The following BICD1 variants were observed in gnomAD, a reference collection of about 807,000 sequenced individuals.
BICD1 encodes protein bicaudal D homolog 1.
A neutral mutation model predicts 92.5 loss-of-function variants in BICD1; 35 were observed. That is an observed-to-expected ratio of 0.38 (90% CI 0.29 to 0.50). The LOEUF (loss-of-function observed/expected upper bound fraction) is 0.50, where lower values mean the gene tolerates loss of function less well. Among genes scored for constraint, BICD1 ranks in the 20% least tolerant of loss-of-function variants. BICD1 has a pLI of 0.93. For missense variants in BICD1, 950 were observed against 1,189.8 expected, an observed-to-expected ratio of 0.80 and a Z score of 2.97; for synonymous variants, 429 against 465.1, an observed-to-expected ratio of 0.92 and a Z score of 1.00.
intron 2 of BICD1, among the ~76,000 whole-genome samples, chr12:32,282,202 CTTTTTTTTTTTTTTTT>C (rs56217529): frequency 2.7e-4 from 25 of 94,256 alleles, no homozygotes; most frequent in South Asian, 1.9e-3. Context: ...AGGTCTTCTT[CTTTTTTTTTTTTTTTT>C]TTTTTTTTTT....
In BICD1 at chr12:32,313,236, T is replaced by C. The variant is rs9669588; in HGVS notation, c.1005+7114T>C. 0.033 allele frequency among the ~76,000 whole-genome samples: 4,973 copies of C among 152,268 alleles called. 286 individuals are homozygous for C. Among genetic ancestry groups the C allele is most frequent in the African/African-American group, 0.11 (4,623 of 41,532 alleles). On this transcript the variant is annotated intron_variant, in intron 4 of 9. Transcript: ENST00000652176. The surrounding 1 kb of genome is among the most constrained non-coding windows in gnomAD (Gnocchi z 4.2). ...CATCCTCATGGATGTGGAAGAAATA[T>C]ATTCATATTATGTTTTGATCCACTC... is the stretch of plus-strand genomic sequence containing the variant.
intron 1 of BICD1, among the ~76,000 whole-genome samples, chr12:32,179,728 T>C (rs1944216502): frequency 6.6e-6 from 1 of 151,904 alleles, no homozygotes; most frequent in African/African-American, 2.4e-5. Context: ...CAATGGCTCA[T>C]GCCTGTTATC....
chr12:32,135,339 C>T (rs1223666540), intron 1 of BICD1, among the ~76,000 whole-genome samples: 10 of 148,570 alleles, frequency 6.7e-5, no homozygotes, highest in South Asian at 2.2e-4. Flanking sequence ...CCGCCTGCCT[C>T]GGCCTCCCAA....
chr12:32,226,935 G>T (rs985477055), intron 2 of BICD1, among the ~76,000 whole-genome samples: 8 of 152,216 alleles, frequency 5.3e-5, no homozygotes, highest in Non-Finnish European at 1.2e-4. Flanking sequence ...ACAGTTTCTG[G>T]ATGTTGGCCT....
intron 2 of BICD1, among the ~76,000 whole-genome samples, chr12:32,278,762 A>G (rs1190931967): frequency 6.6e-6 from 1 of 152,230 alleles, no homozygotes; most frequent in Non-Finnish European, 1.5e-5. Context: ...AGGCTGAGGC[A>G]GGAGAATGGC....
chr12:32,278,331 G>T (rs1175692765), intron 2 of BICD1, among the ~76,000 whole-genome samples: 1 of 152,128 alleles, frequency 6.6e-6, no homozygotes, highest in African/African-American at 2.4e-5. Flanking sequence ...ATTCATTATG[G>T]TGTTTTGCAT....
At chr12:32,325,950 G>A (rs111623359) in intron 4 of BICD1, among the ~76,000 whole-genome samples, 3,256 of 151,918 alleles carry the variant, frequency 0.021, 100 homozygotes, top group African/African-American at 0.073. Context: ...GGGCGTGGTC[G>A]TGGGCGCCTG....
intron 2 of BICD1, among the ~76,000 whole-genome samples, chr12:32,283,371 C>CACTCT (rs1947471714): frequency 6.6e-6 from 1 of 150,482 alleles, no homozygotes; most frequent in African/African-American, 2.5e-5. Context: ...CACTCCACTC[C>CACTCT]ACTCCACTCC....
intron 8 of BICD1, chr12:32,339,198 G>T: frequency 7.8e-7 from 1 of 1,275,756 alleles, no homozygotes; most frequent in Non-Finnish European, 9.8e-7. Context: ...GCCAAAGATG[G>T]CAAATGAGAG....
At chr12:32,225,901 C>T (rs534712657) in intron 2 of BICD1, among the ~76,000 whole-genome samples, 37 of 152,034 alleles carry the variant, frequency 2.4e-4, no homozygotes, top group African/African-American at 8.2e-4. Context: ...AGATTTCAGG[C>T]GTGAGCCACC....
Position 32,337,981 on chromosome 12 carries a change from C to T in BICD1, c.2570+165C>T. 1 of 693,256 alleles carries T rather than the reference C, an allele frequency of 1.4e-6. No homozygotes were observed. Among genetic ancestry groups the T allele is most frequent in the Non-Finnish European group, 2.4e-6 (1 of 421,408 alleles). The allele number at this position is 693,256 out of a possible 1,614,324, so 42.9% of individuals were successfully genotyped here. Reference sequence around the variant, plus strand: ...AATGTGGGTCTTTCCAGATCAAAACCTTTTTGATAATTGTGTTTATGTAGT... The same window carrying T: ...AATGTGGGTCTTTCCAGATCAAAACTTTTTTGATAATTGTGTTTATGTAGT... On this transcript the variant is annotated intron_variant, in intron 7 of 9. Transcript: ENST00000652176. The surrounding 1 kb of genome is among the most constrained non-coding windows in gnomAD (Gnocchi z 4.7).
chr12:32,209,591 C>T (rs573742078), intron 1 of BICD1, among the ~76,000 whole-genome samples: 1 of 152,328 alleles, frequency 6.6e-6, no homozygotes, highest in Admixed American at 6.5e-5. Flanking sequence ...TGAATATCCT[C>T]TGGAGCACTC....
chr12:32,309,499 G>C (rs993556371), intron 4 of BICD1, among the ~76,000 whole-genome samples: 9 of 152,202 alleles, frequency 5.9e-5, no homozygotes, highest in Non-Finnish European at 1.2e-4. Flanking sequence ...TTTCTGCAGT[G>C]AAACATGAGT....
intron 1 of BICD1, among the ~76,000 whole-genome samples, chr12:32,119,999 A>AT (rs1443418797): frequency 5.9e-5 from 9 of 152,264 alleles, no homozygotes; most frequent in Non-Finnish European, 8.8e-5. Context: ...AAAACAGAAA[A>AT]TATCAAAAAC....
At chr12:32,266,009 A>G (rs752801549) in intron 2 of BICD1, among the ~76,000 whole-genome samples, 1 of 152,198 alleles carries the variant, frequency 6.6e-6, no homozygotes, top group African/African-American at 2.4e-5. Context: ...TTTTATATCC[A>G]TAGTCTATAG....
chr12:32,287,550 T>G (rs995792818), intron 2 of BICD1, among the ~76,000 whole-genome samples: 5 of 147,996 alleles, frequency 3.4e-5, no homozygotes, highest in African/African-American at 1.2e-4. Flanking sequence ...TTTGTTTTTT[T>G]TTTTGAGATG....
At chr12:32,300,322 C>G (rs753158776) in intron 3 of BICD1, among the ~76,000 whole-genome samples, 3 of 152,042 alleles carry the variant, frequency 2.0e-5, no homozygotes, top group Non-Finnish European at 4.4e-5. Flanking sequence ...TCAGGATGAT[C>G]TCGATCTCCT....
chr12:32,221,729 A>G (rs2121575564), intron 2 of BICD1, among the ~76,000 whole-genome samples: 1 of 152,182 alleles, frequency 6.6e-6, no homozygotes, highest in Non-Finnish European at 1.5e-5. Flanking sequence ...CAGGGAGTAT[A>G]AACAAAAACT....
chr12:32,346,573 TATATATATAC>T lies in BICD1; in HGVS notation c.2764+7595_2764+7604del, dbSNP rs1565687159. On this transcript the variant is annotated intron_variant, in intron 8 of 9. Transcript: ENST00000652176. ...ATATATATATATATATATATATATATATATATATACGTGTATATATATATATATATATATA... is the reference window on the plus strand; with the variant it reads ...ATATATATATATATATATATATATATGTGTATATATATATATATATATATA... Among the ~76,000 whole-genome samples, 29 of 42,624 alleles carry T rather than the reference TATATATATAC, an allele frequency of 6.8e-4. 5 individuals are homozygous for T. Among genetic ancestry groups the T allele is most frequent in the South Asian group, 2.5e-3 (2 of 798 alleles). The allele number at this position is 42,624 out of a possible 152,430, so 28.0% of individuals were successfully genotyped here. A position where few individuals can be genotyped will look rare whatever the true frequency, so the allele number is the denominator to read the frequency against.
Sources: allele counts gnomAD v4.1 joint callset (sites outside exome capture counted in the v4.1 genomes callset), GRCh38; gene constraint gnomAD v4.1.1; non-coding constraint Gnocchi (gnomAD v3.1); transcripts MANE v1.5; gene names NCBI Gene and HGNC (gene_info 2026-07-23, HGNC 2026-07-21).